B9D1: variants seen among roughly 807,000 people sequenced by gnomAD.
The protein encoded by B9D1 is B9 domain-containing protein 1.
In B9D1, 20 loss-of-function variants were observed where a neutral mutation model predicts 26.1. That is an observed-to-expected ratio of 0.77 (90% CI 0.54 to 1.12). The LOEUF (loss-of-function observed/expected upper bound fraction) is 1.12. Ranked by LOEUF, B9D1 falls within the 50% of genes most tolerant of loss-of-function variation. The pLI, the probability that B9D1 is intolerant of heterozygous loss-of-function variation, is 0.00. For synonymous variants in B9D1, 105 were observed against 103.1 expected, an observed-to-expected ratio of 1.02 and a Z score of -0.11; for missense variants, 260 against 273.7, an observed-to-expected ratio of 0.95 and a Z score of 0.35.
downstream of B9D1, chr17:19,337,483 C>T (rs2152244796): frequency 2.0e-6 from 1 of 502,952 alleles, no homozygotes; most frequent in Non-Finnish European, 3.6e-6. Flanking sequence ...GTGCAAGTGC[C>T]TGGCTCCTGG....
chr17:19,362,807 G>T, upstream of B9D1: 1 of 1,268,550 alleles, frequency 7.9e-7, no homozygotes, highest in African/African-American at 1.5e-5. Context: ...CCTCCTTAGG[G>T]CAGGTATGAC....
chr17:19,348,836 G>T (rs1411989171), intron 3 of B9D1, among the ~76,000 whole-genome samples: 1 of 152,172 alleles, frequency 6.6e-6, no homozygotes, highest in Non-Finnish European at 1.5e-5. Flanking sequence ...TTCTCAAATG[G>T]TTTCCTGTAA....
chr17:19,342,474 A>G (rs1044923340), downstream of B9D1, among the ~76,000 whole-genome samples: 22 of 152,134 alleles, frequency 1.4e-4, no homozygotes, highest in African/African-American at 4.3e-4. Flanking sequence ...CTGGGGCACC[A>G]TGTCTGCCGA....
At chr17:19,337,737 C>T (rs1907567906), downstream of B9D1, 1 of 1,535,194 alleles carries the variant, frequency 6.5e-7, no homozygotes, top group Non-Finnish European at 8.7e-7. Flanking sequence ...TGACAGACAG[C>T]CCTGAAGGTG....
downstream of B9D1, chr17:19,337,415 A>G: frequency 3.2e-6 from 1 of 310,490 alleles, no homozygotes; most frequent in Non-Finnish European, 6.0e-6. Flanking sequence ...AGGGTTGGAG[A>G]GGCCTTGAGA....
rs770004357 is a variant in B9D1 at position 19,347,069 on chromosome 17, G to A, written c.404+200C>T. ...TTTTCACAGGGCACAGGGTAAAATC[G>A]CCCGGCCTTCTGCTGCTGGAACAGG... On this transcript the variant is annotated intron_variant, in intron 5 of 6. Transcript: ENST00000261499. This position sits in a 1 kb window ranked among gnomAD's most constrained non-coding sequence, Gnocchi z 4.3. 31 of 1,551,000 alleles carry A rather than the reference G, an allele frequency of 2.0e-5. 1 individual carries two copies. The South Asian group carries it at 3.0e-4, about 15-fold the overall frequency.
rs146728064 is a variant in B9D1, at chr17:19,362,127, G to A, written c.63+380C>T. 6.3e-3 allele frequency among the ~76,000 whole-genome samples: 964 copies of A among 152,322 alleles called. 3 individuals carry two copies. Among genetic ancestry groups the A allele is most frequent in the Non-Finnish European group, 8.1e-3 (553 of 68,042 alleles). ...TCAAGGATCTGGGGATTCAGAACGC[G>A]GGACAGTAACTCCACACGGGACACA... On this transcript the variant is annotated intron_variant, in intron 1 of 6. Transcript: ENST00000261499.
chr17:19,341,046 G>GGTGGTGT (rs1907912291), downstream of B9D1: 1 of 982,282 alleles, frequency 1.0e-6, no homozygotes, highest in Non-Finnish European at 1.3e-6. Flanking sequence ...TCTAGGTGGT[G>GGTGGTGT]GGTATGTGGT....
chr17:19,372,877 C>T lies in B9D1; in HGVS notation c.-298+4982G>A, dbSNP rs1598104166. 6.6e-6 allele frequency among the ~76,000 whole-genome samples: 1 copy of T among 152,230 alleles called. No individual in the cohort carries two copies. The highest frequency in any genetic ancestry group is 2.4e-5 in the African/African-American group (1 of 41,456). On this transcript the variant is annotated intron_variant, in intron 1 of 5. Transcript: ENST00000477478. The surrounding 1 kb of genome is among the most constrained non-coding windows in gnomAD (Gnocchi z 4.4). ...GCTCCTCAAAGTTTTTAACCACACC[C>T]ACTCTTGCGGCAGAGGGGTGCGAAC...
chr17:19,341,220 A>C (rs1907928386), downstream of B9D1: 1 of 1,231,720 alleles, frequency 8.1e-7, no homozygotes, highest in African/African-American at 1.5e-5. Context: ...ACCACAGGCT[A>C]GAGGCTTCAG....
intron 2 of B9D1, 34 bp from the exon 3 acceptor site, chr17:19,357,985 G>A (rs1008168510): frequency 1.9e-6 from 3 of 1,556,280 alleles, no homozygotes; most frequent in African/African-American, 2.7e-5. Context: ...GCTGGATTCA[G>A]AGCAGAGCCA....
upstream of B9D1, chr17:19,363,075 G>A (rs1911347950): frequency 5.2e-6 from 1 of 191,912 alleles, no homozygotes; most frequent in Non-Finnish European, 1.1e-5. Flanking sequence ...AGGCGCTGCA[G>A]AGCACGGGCG....
At chr17:19,344,501 GC>G (rs1448618397) in intron 5 of B9D1, 3 of 277,956 alleles carry the variant, frequency 1.1e-5, no homozygotes, top group Non-Finnish European at 7.4e-6. Flanking sequence ...GGGGTGTCAG[GC>G]CCCGCCGCCG....
intron 5 of B9D1, 31 bp from the exon 6 acceptor site, chr17:19,343,888 G>A: frequency 1.2e-6 from 2 of 1,613,238 alleles, no homozygotes; most frequent in East Asian, 2.2e-5. Context: ...AGGTGAGCAG[G>A]GCCCCACCTG....
intron 2 of B9D1, among the ~76,000 whole-genome samples, chr17:19,360,110 C>A (rs1231671924): frequency 6.6e-6 from 1 of 152,140 alleles, no homozygotes; most frequent in African/African-American, 2.4e-5. Context: ...CAGGGTAGGG[C>A]TTCTGAGTGC....
chr17:19,345,677 G>A (rs898565258), intron 5 of B9D1, among the ~76,000 whole-genome samples: 6 of 152,206 alleles, frequency 3.9e-5, no homozygotes, highest in Admixed American at 3.9e-4. Context: ...CAGTGACCTG[G>A]ATTTTGAACT....
At chr17:19,357,493 C>A in intron 3 of B9D1, 1 of 385,048 alleles carries the variant, frequency 2.6e-6, no homozygotes, top group Non-Finnish European at 5.0e-6. Context: ...ACACAACACG[C>A]CATGGGAAGT....
At chr17:19,341,920 C>T (rs1908012107), downstream of B9D1, among the ~76,000 whole-genome samples, 1 of 152,016 alleles carries the variant, frequency 6.6e-6, no homozygotes, top group Non-Finnish European at 1.5e-5. Flanking sequence ...GCTTGGAGGG[C>T]CTGGTGGTTT....
chr17:19,368,830 C>G (rs1911731663), intron 1 of B9D1, among the ~76,000 whole-genome samples: 1 of 152,080 alleles, frequency 6.6e-6, no homozygotes, highest in African/African-American at 2.4e-5. Flanking sequence ...GCCTGTGACC[C>G]TGGCTACTTG....
Sources: allele counts gnomAD v4.1 joint callset (sites outside exome capture counted in the v4.1 genomes callset), GRCh38; gene constraint gnomAD v4.1.1; non-coding constraint Gnocchi (gnomAD v3.1); transcripts MANE v1.5; gene names NCBI Gene and HGNC (gene_info 2026-07-23, HGNC 2026-07-21).